NCAM1: variants seen among roughly 807,000 people sequenced by gnomAD.
NCAM1 encodes neural cell adhesion molecule 1, also known as antigen recognized by monoclonal antibody 5.1H11.
NCAM1 carries 14 observed loss-of-function variants against 109.8 expected under a neutral mutation model. The ratio of observed to expected loss-of-function variants is 0.13; its 90% CI spans 0.08 to 0.20. The LOEUF (loss-of-function observed/expected upper bound fraction) is 0.20. Among genes scored for constraint, NCAM1 ranks in the 10% least tolerant of loss-of-function variants. The pLI is 1.00. For missense variants in NCAM1, 774 were observed against 1,109.9 expected, an observed-to-expected ratio of 0.70 and a Z score of 4.30; for synonymous variants, 418 against 442.9, an observed-to-expected ratio of 0.94 and a Z score of 0.70.
intron 14 of NCAM1, among the ~76,000 whole-genome samples, chr11:113,245,846 TTGA>T (rs1945484604): frequency 6.6e-6 from 1 of 152,274 alleles, no homozygotes; most frequent in Non-Finnish European, 1.5e-5. Context: ...GGACTTTTCC[TTGA>T]TGACCCATAT....
intron 14 of NCAM1, chr11:113,246,138 A>G (rs568464050): frequency 3.3e-5 from 18 of 537,598 alleles, no homozygotes; most frequent in Admixed American, 1.0e-4. Flanking sequence ...TGCCCTCCCA[A>G]TGTTTCCTAT....
intron 1 of NCAM1, among the ~76,000 whole-genome samples, chr11:113,045,013 C>T (rs1437411224): frequency 6.6e-6 from 1 of 152,164 alleles, no homozygotes; most frequent in Non-Finnish European, 1.5e-5. Context: ...CTCGGCCTCC[C>T]AAAGTGCTGG....
chr11:113,227,540 C>G (rs1944887445), intron 9 of NCAM1, among the ~76,000 whole-genome samples: 1 of 152,048 alleles, frequency 6.6e-6, no homozygotes, highest in African/African-American at 2.4e-5. Flanking sequence ...TGAAACTATT[C>G]CAATCAATAG....
At chr11:113,007,234 C>G (rs1951915010) in intron 1 of NCAM1, among the ~76,000 whole-genome samples, 1 of 152,116 alleles carries the variant, frequency 6.6e-6, no homozygotes, top group South Asian at 2.1e-4. Context: ...CTCTGTTACC[C>G]AGGCTGGAGT....
rs192841064 is a variant in NCAM1, at chr11:113,221,354, T to G, written c.1089+29T>G. ...TAGCTTACCTGACCACTAGCCAGTC[T>G]TTAGTTTTGAAAGCATTACAGTTTA... On this transcript the variant is annotated intron_variant, in intron 9 of 19. Coordinates refer to ENST00000316851, the MANE Select transcript of NCAM1 (RefSeq NM_181351.5). The G allele has an allele frequency of 1.2e-4, 183 of 1,563,734 alleles. No homozygotes were observed. The East Asian group carries it at 4.1e-3, about 35-fold the overall frequency.
intron 1 of NCAM1, among the ~76,000 whole-genome samples, chr11:113,104,406 G>A (rs1940051380): frequency 6.6e-6 from 1 of 151,590 alleles, no homozygotes; most frequent in South Asian, 2.1e-4. Context: ...CAATAATTTA[G>A]TTCATGAAAA....
At chr11:113,060,251 T>C (rs1953870008) in intron 1 of NCAM1, among the ~76,000 whole-genome samples, 1 of 152,210 alleles carries the variant, frequency 6.6e-6, no homozygotes, top group Non-Finnish European at 1.5e-5. Context: ...TATGATACCA[T>C]AGTGGGTGAT....
chr11:113,231,403 T>G, intron 9 of NCAM1: 2 of 1,099,166 alleles, frequency 1.8e-6, no homozygotes, highest in South Asian at 1.5e-5. Flanking sequence ...TCAGGCTGCC[T>G]GACATAACTG....
In NCAM1 at chr11:113,033,376, G is replaced by T. The variant is rs559107728; in HGVS notation, c.52+71712G>T. Among the ~76,000 whole-genome samples, 18 of 152,276 alleles carry T rather than the reference G, an allele frequency of 1.2e-4. 1 individual carries two copies. The South Asian group carries it at 3.5e-3, about 30-fold the overall frequency. ...ATACAGCAGGAAATGTGCAGATGGG[G>T]GTGGAGTTGGGGGTGCCCAGCTTCA... On this transcript the variant is annotated intron_variant, in intron 1 of 19. Transcript: ENST00000316851.
At chr11:113,064,777 T>G (rs1937867879) in intron 1 of NCAM1, among the ~76,000 whole-genome samples, 1 of 152,230 alleles carries the variant, frequency 6.6e-6, no homozygotes, top group African/African-American at 2.4e-5. Flanking sequence ...AATGACATAA[T>G]TTTCTTCTGA....
chr11:113,013,608 G>A (rs1265387401), intron 1 of NCAM1, among the ~76,000 whole-genome samples: 4 of 152,084 alleles, frequency 2.6e-5, no homozygotes, highest in Admixed American at 2.6e-4. Context: ...TACTGTCTCT[G>A]TTCTTCCTCT....
At chr11:113,148,667 A>G (rs1555101846) in intron 1 of NCAM1, among the ~76,000 whole-genome samples, 2 of 152,182 alleles carry the variant, frequency 1.3e-5, no homozygotes, top group South Asian at 4.1e-4. Context: ...GAATTGATGC[A>G]TAACTGTATG....
intron 17 of NCAM1, chr11:113,265,275 T>A: frequency 2.0e-6 from 1 of 508,190 alleles, no homozygotes; most frequent in Non-Finnish European, 2.5e-6. Context: ...GCCTCTCATG[T>A]ACCTGGATAG....
At chr11:113,049,993 GC>G (rs1953409777) in intron 1 of NCAM1, among the ~76,000 whole-genome samples, 1 of 152,130 alleles carries the variant, frequency 6.6e-6, no homozygotes, top group Admixed American at 6.5e-5. Flanking sequence ...GAAAAAGAAT[GC>G]CTTGGAGAAA....
intron 1 of NCAM1, among the ~76,000 whole-genome samples, chr11:113,009,320 T>TTGTTG (rs1565379674): frequency 4.7e-4 from 21 of 44,294 alleles, no homozygotes; most frequent in East Asian, 3.5e-3. Context: ...GGGTTTTTTT[T>TTGTTG]TTTTTTTTTT....
chr11:112,961,869 C>T (rs1426555943), intron 1 of NCAM1, among the ~76,000 whole-genome samples: 9 of 152,102 alleles, frequency 5.9e-5, no homozygotes, highest in African/African-American at 2.2e-4. Context: ...GGCTGCCTCC[C>T]CGAGCCGCCA....
intron 1 of NCAM1, among the ~76,000 whole-genome samples, chr11:113,177,567 G>A (rs966410830): frequency 2.0e-5 from 3 of 152,202 alleles, no homozygotes; most frequent in Admixed American, 6.5e-5. Flanking sequence ...CTGAGTAGCT[G>A]GGACTACAGG....
At chr11:113,044,611 G>C (rs1953198915) in intron 1 of NCAM1, among the ~76,000 whole-genome samples, 1 of 151,938 alleles carries the variant, frequency 6.6e-6, no homozygotes, top group African/African-American at 2.4e-5. Context: ...CTTGAATCTG[G>C]GAGGCGGAGG....
rs1303856793 is a variant in NCAM1 at position 113,075,119 on chromosome 11, T to G, written c.52+113455T>G. Among the ~76,000 whole-genome samples the G allele has an allele frequency of 2.0e-5, 3 of 152,088 alleles. No individual in the cohort carries two copies. In the East Asian group the frequency reaches 5.8e-4, roughly 29 times the overall value. On this transcript the variant is annotated intron_variant, in intron 1 of 19. Coordinates refer to ENST00000316851, the MANE Select transcript of NCAM1 (RefSeq NM_181351.5). ...TCTCACTCTGTCACCCAGGCTGGAG[T>G]GCAGTGGCACAATCATGGCTCACTG...
Sources: gnomAD v4.1 joint callset for allele counts (sites outside exome capture counted in the v4.1 genomes callset) on GRCh38, gnomAD v4.1.1 for gene constraint, MANE v1.5 for transcripts, NCBI Gene and HGNC (gene_info 2026-07-23, HGNC 2026-07-21) for gene names.